The following IL2RB variants were observed in gnomAD, a reference collection of about 807,000 sequenced individuals.
IL2RB encodes interleukin 2 receptor subunit beta, also known as interleukin-2 receptor subunit beta.
IL2RB carries 17 observed loss-of-function variants against 44.2 expected under a neutral mutation model. That is an observed-to-expected ratio of 0.38 (90% CI 0.26 to 0.58). The LOEUF is 0.58. Ranked by LOEUF, IL2RB falls within the 20% of genes least tolerant of loss-of-function variation. IL2RB has a pLI of 0.63. For synonymous variants in IL2RB, 286 were observed against 297.9 expected (o/e 0.96, Z 0.41); for missense variants, 624 against 685.5 (o/e 0.91, Z 1.00).
intron 1 of IL2RB, among the ~76,000 whole-genome samples, chr22:37,169,720 G>T (rs1242410889): frequency 6.6e-6 from 1 of 152,064 alleles, no homozygotes; most frequent in African/African-American, 2.4e-5. Flanking sequence ...TTATCCCGCG[G>T]ACTCATCATC....
chr22:37,143,902 TGTGTGTGTGTGTGTGTGC>T (rs1197386795), intron 2 of IL2RB, among the ~76,000 whole-genome samples, 165 bp downstream of exon 2: 39 of 128,424 alleles, frequency 3.0e-4, no homozygotes, highest in African/African-American at 2.5e-4. Context: ...TGTGTGTGTG[TGTGTGTGTGTGTGTGTGC>T]GCGCATTCAT....
chr22:37,164,057 C>A (rs1049390111), intron 1 of IL2RB, among the ~76,000 whole-genome samples: 1 of 152,216 alleles, frequency 6.6e-6, no homozygotes, highest in African/African-American at 2.4e-5. Context: ...CTGGAAACAG[C>A]CCAGAGGCCA....
At chr22:37,152,505 C>G (rs1922529624), upstream of IL2RB, among the ~76,000 whole-genome samples, 1 of 152,066 alleles carries the variant, frequency 6.6e-6, no homozygotes. Flanking sequence ...AAGATAATAT[C>G]GTCTACAAAC....
chr22:37,173,888 CCT>C (rs1923367126), intron 1 of IL2RB, among the ~76,000 whole-genome samples: 1 of 152,222 alleles, frequency 6.6e-6, no homozygotes, highest in South Asian at 2.1e-4. Flanking sequence ...GATCCAGCTG[CCT>C]CTCACATCTG....
At chr22:37,143,388 T>A in intron 3 of IL2RB, 133 bp downstream of exon 3, 1 of 625,710 alleles carries the variant, frequency 1.6e-6, no homozygotes, top group Non-Finnish European at 2.8e-6. Flanking sequence ...CCCCAACTCC[T>A]GTGATTCAAA....
intron 9 of IL2RB, among the ~76,000 whole-genome samples, chr22:37,131,169 AAAATAAATAAAT>A (rs143390835): frequency 1.3e-5 from 2 of 150,822 alleles, no homozygotes; most frequent in African/African-American, 4.9e-5. Flanking sequence ...TCCATCTCAA[AAAATAAATAAAT>A]AAATAAATAA....
intron 9 of IL2RB, among the ~76,000 whole-genome samples, chr22:37,131,415 AC>A (rs1425722247): frequency 1.3e-5 from 2 of 151,724 alleles, no homozygotes; most frequent in Non-Finnish European, 2.9e-5. Context: ...GGTAAAAAGT[AC>A]CCCCCATGTC....
At chr22:37,153,342 T>A (rs1248649944), upstream of IL2RB, among the ~76,000 whole-genome samples, 1 of 152,180 alleles carries the variant, frequency 6.6e-6, no homozygotes, top group Admixed American at 6.5e-5. Flanking sequence ...CCAACTCCCA[T>A]GTGCAAAGCC....
chr22:37,147,823 C>G (rs228977), intron 1 of IL2RB, among the ~76,000 whole-genome samples: 9,676 of 152,342 alleles, frequency 0.064, 997 homozygotes, highest in African/African-American at 0.22. Context: ...GGGCTGCTCA[C>G]CTCTTTCTTG....
chr22:37,154,896 C>T (rs1433267853), upstream of IL2RB, among the ~76,000 whole-genome samples: 5 of 152,294 alleles, frequency 3.3e-5, no homozygotes, highest in Non-Finnish European at 1.5e-5. Context: ...CTTTCTCTCT[C>T]TCCCCTCCCC....
chr22:37,173,297 G>A (rs1429091038), intron 1 of IL2RB, among the ~76,000 whole-genome samples: 1 of 152,146 alleles, frequency 6.6e-6, no homozygotes, highest in Admixed American at 6.5e-5. Flanking sequence ...ACTGTGTAAT[G>A]TCTCTCTCCC....
At position 37,132,435 on chromosome 22, in the gene IL2RB, G is replaced by A. The variant is rs757103924; in HGVS notation, c.852C>T (p.Asp284=). ...LKKVLKCNTP[D]PSKFFSQLSS... ...TCAGCTGGGAAAAGAACTTCGAGGGGTCTGGGGTGTTACACTTCAGGACCT... is the reference window on the plus strand; with the variant it reads ...TCAGCTGGGAAAAGAACTTCGAGGGATCTGGGGTGTTACACTTCAGGACCT... Residue 284 remains aspartate, a synonymous_variant, in exon 9 of 10, where the codon GAC becomes GAT. Coordinates refer to ENST00000216223, the MANE Select transcript of IL2RB (RefSeq NM_000878.5). 4.3e-6 allele frequency: 7 copies of A among 1,614,152 alleles called. No individual in the cohort carries two copies. In the East Asian group the frequency reaches 1.3e-4, roughly 31 times the overall value.
At position 37,128,931 on chromosome 22, in the gene IL2RB, A is replaced by C; in HGVS notation, c.904-83T>G. On this transcript the variant is annotated intron_variant, in intron 9 of 9. Coordinates refer to ENST00000216223, the MANE Select transcript of IL2RB (RefSeq NM_000878.5). This position sits in a 1 kb window ranked among gnomAD's most constrained non-coding sequence, Gnocchi z 4.5. ...TCCTCTGGACTCTCAACAGCTCCTA[A>C]CTCCTCCTCCTCCTGAAGCAGTTGG... The C allele has an allele frequency of 6.9e-7, 1 of 1,450,664 alleles. No homozygotes were observed. Among genetic ancestry groups the C allele is most frequent in the Non-Finnish European group, 9.2e-7 (1 of 1,087,778 alleles). The allele number at this position is 1,450,664 out of a possible 1,614,324, so 89.9% of individuals were successfully genotyped here.
chr22:37,167,875 A>C (rs572999890), intron 1 of IL2RB, among the ~76,000 whole-genome samples: 1 of 152,074 alleles, frequency 6.6e-6, no homozygotes, highest in Non-Finnish European at 1.5e-5. Flanking sequence ...AAAGATGGGA[A>C]GCAAGGGAGG....
At chr22:37,134,784 A>C (rs1467440812) in intron 8 of IL2RB, among the ~76,000 whole-genome samples, 1 of 152,030 alleles carries the variant, frequency 6.6e-6, no homozygotes, top group East Asian at 1.9e-4. Flanking sequence ...CACCTGCATG[A>C]TTGTCTGCCT....
chr22:37,136,114 G>T, intron 7 of IL2RB, 114 bp downstream of exon 7: 1 of 1,144,094 alleles, frequency 8.7e-7, no homozygotes, highest in Non-Finnish European at 1.2e-6. Flanking sequence ...CAGCAAGTGA[G>T]GGATGGAGCT....
chr22:37,163,830 C>T (rs902068116), intron 1 of IL2RB, among the ~76,000 whole-genome samples: 6 of 152,212 alleles, frequency 3.9e-5, no homozygotes, highest in South Asian at 4.1e-4. Context: ...CAGCAGGGGA[C>T]GAAGGGCCCC....
At chr22:37,146,791 G>A (rs1250667733) in intron 1 of IL2RB, among the ~76,000 whole-genome samples, 2 of 152,014 alleles carry the variant, frequency 1.3e-5, no homozygotes, top group East Asian at 3.9e-4. Context: ...AAATGAATGA[G>A]TGTGGTCAGA....
chr22:37,167,263 A>T (rs1315434886), intron 1 of IL2RB, among the ~76,000 whole-genome samples: 2 of 151,796 alleles, frequency 1.3e-5, no homozygotes, highest in African/African-American at 2.4e-5. Flanking sequence ...ACCCCTGCCC[A>T]GACCAGCTCT....
Sources: gnomAD v4.1 joint callset for allele counts (sites outside exome capture counted in the v4.1 genomes callset) on GRCh38, gnomAD v4.1.1 for gene constraint, Gnocchi (gnomAD v3.1) non-coding constraint, MANE v1.5 for transcripts, NCBI Gene and HGNC (gene_info 2026-07-23, HGNC 2026-07-21) for gene names.